Variants in STAT3 observed in about 807,000 individuals in gnomAD.
The protein encoded by STAT3 is DNA-binding protein APRF.
Under a neutral mutation model 114.3 loss-of-function variants are expected in STAT3, and 7 were observed. The observed-to-expected ratio is 0.06, with a 90% CI of 0.03 to 0.11. STAT3 has a LOEUF of 0.11. Among genes scored for constraint, STAT3 ranks in the 10% least tolerant of loss-of-function variants. The pLI is 1.00. For missense variants in STAT3, 364 were observed against 960.9 expected, an observed-to-expected ratio of 0.38 and a Z score of 8.21; for synonymous variants, 331 against 354.5, an observed-to-expected ratio of 0.93 and a Z score of 0.74.
chr17:42,356,747 CG>C (rs1409278357), intron 1 of STAT3, among the ~76,000 whole-genome samples: 3 of 151,752 alleles, frequency 2.0e-5, no homozygotes, highest in African/African-American at 7.3e-5. Flanking sequence ...GGATTACAGG[CG>C]TGAGCCACAG....
In STAT3 at chr17:42,348,461, T is replaced by C; in HGVS notation, c.56A>G (p.His19Arg). 6.2e-7 allele frequency: 1 copy of C among 1,614,076 alleles called. No individual in the cohort carries two copies. Among genetic ancestry groups the C allele is most frequent in the Non-Finnish European group, 8.5e-7 (1 of 1,180,030 alleles). The change falls in exon 2 of 24, where the codon CAT (histidine) becomes CGT (arginine). Residue 19 changes from histidine (H) to arginine (R), a missense_variant. This residue lies in a region of STAT3 where 294 missense variants were observed against 745.1 expected (regional missense o/e 0.39). Coordinates refer to ENST00000264657, the MANE Select transcript of STAT3 (RefSeq NM_139276.3). ...QLDTRYLEQL[H>R]QLYSDSFPME... The stretch of plus-strand genomic sequence containing the variant: ...TGGGAAGCTGTCACTGTAGAGCTGA[T>C]GGAGCTGCTCCAGGTACCGTGTGTC...
intron 1 of STAT3, among the ~76,000 whole-genome samples, chr17:42,380,481 T>C (rs552712818): frequency 1.5e-4 from 22 of 150,632 alleles, no homozygotes; most frequent in African/African-American, 5.4e-4. Context: ...GCCTCCCGGG[T>C]TCAAGCGATT....
At position 42,329,770 on chromosome 17, in the gene STAT3, A is replaced by G. The variant is rs770311773; in HGVS notation, c.1116T>C (p.Ser372=). ...LKIKVCIDKD[S]GDVAALRGSR... ...ACCCTCTGAGAGCTGCAACGTCCCC[A>G]GAGTCTCTGTAAGAACACAGACTGT... is the stretch of plus-strand genomic sequence containing the variant. Residue 372 remains serine (S), a synonymous_variant, in exon 12 of 24, where the codon TCT becomes TCC. Coordinates refer to ENST00000264657, the MANE Select transcript of STAT3 (RefSeq NM_139276.3). The G allele has an allele frequency of 6.2e-7, 1 of 1,614,244 alleles. No individual in the cohort carries two copies. The highest frequency in any genetic ancestry group is 8.5e-7 in the Non-Finnish European group (1 of 1,180,040).
At chr17:42,386,030 C>G (rs1469690838) in intron 1 of STAT3, among the ~76,000 whole-genome samples, 1 of 152,020 alleles carries the variant, frequency 6.6e-6, no homozygotes, top group African/African-American at 2.4e-5. Context: ...ACCTGTAATC[C>G]CAGCACTTTG....
chr17:42,365,410 G>A (rs987568304), intron 1 of STAT3, among the ~76,000 whole-genome samples: 1 of 152,154 alleles, frequency 6.6e-6, no homozygotes, highest in African/African-American at 2.4e-5. Context: ...ACATCGCAGA[G>A]CAAAGACAAG....
chr17:42,381,872 CT>C lies in STAT3; in HGVS notation c.-24+6406del, dbSNP rs200020304. On this transcript the variant is annotated intron_variant, in intron 1 of 23. Transcript: ENST00000264657. ...ACACACATTTTATATTCCTACAAGT[CT>C]TTTTTTTTATAATAGCATGTTATTA... 3.5e-3 allele frequency among the ~76,000 whole-genome samples: 523 copies of C among 151,178 alleles called. 9 individuals are homozygous for C. Among genetic ancestry groups the C allele is most frequent in the African/African-American group, 0.012 (486 of 41,290 alleles).
chr17:42,317,421 T>C (rs2144625204), intron 21 of STAT3, 197 bp from the exon 22 acceptor site: 2 of 661,544 alleles, frequency 3.0e-6, no homozygotes, highest in East Asian at 5.5e-5. Flanking sequence ...CACTAGCAGC[T>C]GTGAACTTCA....
chr17:42,339,169 T>A, intron 5 of STAT3, 145 bp downstream of exon 5: 1 of 755,862 alleles, frequency 1.3e-6, no homozygotes, highest in Non-Finnish European at 2.2e-6. Flanking sequence ...GGTAGGAGGA[T>A]CGCTTGGGCC....
At chr17:42,317,597 T>G in intron 21 of STAT3, 1 of 324,702 alleles carries the variant, frequency 3.1e-6, no homozygotes, top group African/African-American at 2.1e-5. Flanking sequence ...GTCATATCTC[T>G]TAGATAACTT....
intron 1 of STAT3, among the ~76,000 whole-genome samples, chr17:42,350,287 C>G (rs1331284458): frequency 6.6e-6 from 1 of 152,088 alleles, no homozygotes; most frequent in Non-Finnish European, 1.5e-5. Context: ...GCAACAAAAC[C>G]AGCAGGTCTT....
In STAT3 at chr17:42,315,698, G is replaced by A. The variant is rs375752935; in HGVS notation, c.*47C>T. 1.4e-5 allele frequency: 22 copies of A among 1,586,666 alleles called. No individual in the cohort carries two copies. Among genetic ancestry groups the A allele is most frequent in the Non-Finnish European group, 1.6e-5 (19 of 1,155,134 alleles). ...GCTGTGTGAGGGGTGGCAGAATGCAGGTAGGCGCCTCAGTCGTATCTTTCT... is the reference window on the plus strand; with the variant it reads ...GCTGTGTGAGGGGTGGCAGAATGCAAGTAGGCGCCTCAGTCGTATCTTTCT... On this transcript the variant is annotated 3_prime_UTR_variant, in exon 24 of 24. Coordinates refer to ENST00000264657, the MANE Select transcript of STAT3 (RefSeq NM_139276.3).
At chr17:42,351,790 A>G (rs1350517344) in intron 1 of STAT3, among the ~76,000 whole-genome samples, 1 of 152,014 alleles carries the variant, frequency 6.6e-6, no homozygotes, top group Non-Finnish European at 1.5e-5. Context: ...TGTTTTTGAG[A>G]TGGAATCGCC....
intron 10 of STAT3, among the ~76,000 whole-genome samples, chr17:42,332,537 CAAAAA>C (rs759010924): frequency 0.15 from 6,274 of 40,612 alleles, 584 homozygotes; most frequent in African/African-American, 0.38. Context: ...GACTCCATCT[CAAAAA>C]AAAAAAAAAA....
chr17:42,346,421 G>C (rs1598440805), intron 3 of STAT3, 148 bp downstream of exon 3: 1 of 1,181,830 alleles, frequency 8.5e-7, no homozygotes, highest in Middle Eastern at 2.7e-4. Context: ...AGAGCTTTGA[G>C]AAAGGGCTAA....
chr17:42,317,802 T>C (rs1488205977), intron 21 of STAT3, among the ~76,000 whole-genome samples: 4 of 152,168 alleles, frequency 2.6e-5, no homozygotes, highest in African/African-American at 9.7e-5. Flanking sequence ...AACTTTCTAG[T>C]TGGATAAATA....
chr17:42,387,431 G>A (rs1343934813), intron 1 of STAT3: 1 of 152,022 alleles, frequency 6.6e-6, no homozygotes, highest in East Asian at 1.9e-4. Flanking sequence ...CTCTCAATTG[G>A]TTCATTCCGT....
chr17:42,315,364 C>G lies in STAT3; in HGVS notation c.*381G>C. 1 of 429,576 alleles carries G rather than the reference C, an allele frequency of 2.3e-6. No homozygotes were observed. Among genetic ancestry groups the G allele is most frequent in the Non-Finnish European group, 4.3e-6 (1 of 232,564 alleles). 26.6% of individuals were successfully genotyped at this position (429,576 alleles called of 1,614,324 possible). ...CTTACAGAAACAGGCAGAAGGATGC[C>G]GCAGGCACCAGGAGGCACTTGTCTA... On this transcript the variant is annotated 3_prime_UTR_variant, in exon 24 of 24. Coordinates refer to ENST00000264657, the MANE Select transcript of STAT3 (RefSeq NM_139276.3).
At chr17:42,360,164 A>C (rs769973106) in intron 1 of STAT3, among the ~76,000 whole-genome samples, 7 of 151,172 alleles carry the variant, frequency 4.6e-5, no homozygotes, top group East Asian at 2.0e-4. Context: ...CTGTTTTCGG[A>C]ATGTCTGTTC....
At chr17:42,384,448 C>G (rs1323633096) in intron 1 of STAT3, among the ~76,000 whole-genome samples, 1 of 151,952 alleles carries the variant, frequency 6.6e-6, no homozygotes, top group Non-Finnish European at 1.5e-5. Flanking sequence ...GTTTTAAAAG[C>G]TTCCCCTACA....
Sources: allele counts gnomAD v4.1 joint callset (sites outside exome capture counted in the v4.1 genomes callset), GRCh38; gene constraint gnomAD v4.1.1; regional missense constraint gnomAD v4.1.1; transcripts MANE v1.5; gene names NCBI Gene and HGNC (gene_info 2026-07-23, HGNC 2026-07-21).